Variants in CEP97 observed in about 807,000 individuals in gnomAD.
CEP97 encodes the protein centrosomal protein 97, also known as centrosomal protein of 97 kDa.
A neutral mutation model predicts 73.1 loss-of-function variants in CEP97; 43 were observed. That is an observed-to-expected ratio of 0.59 (90% CI 0.46 to 0.76). The LOEUF (loss-of-function observed/expected upper bound fraction) is 0.76. Among genes scored for constraint, CEP97 ranks in the 30% least tolerant of loss-of-function variants. The pLI is 0.00. For synonymous variants in CEP97, 337 were observed against 370.0 expected, an observed-to-expected ratio of 0.91 and a Z score of 1.02; for missense variants, 939 against 1,014.0, an observed-to-expected ratio of 0.93 and a Z score of 1.00.
chr3:101,762,448 C>G, intron 9 of CEP97, 37 bp from the exon 10 acceptor site: 1 of 1,398,410 alleles, frequency 7.2e-7, no homozygotes, highest in East Asian at 2.3e-5. Context: ...TCAAAGCACC[C>G]TTCCTTATGT....
intron 6 of CEP97, among the ~76,000 whole-genome samples, chr3:101,736,120 C>T (rs986909053): frequency 6.6e-6 from 1 of 152,230 alleles, no homozygotes; most frequent in Non-Finnish European, 1.5e-5. Flanking sequence ...CTCAGCAAAG[C>T]TGCTGTAGCC....
chr3:101,740,778 G>A, intron 6 of CEP97, among the ~76,000 whole-genome samples: 1 of 152,132 alleles, frequency 6.6e-6, no homozygotes, highest in East Asian at 1.9e-4. Flanking sequence ...TAGTAGAGAT[G>A]GGGTTTCTCC....
rs9864426 is a variant in CEP97, at chr3:101,732,008, C to T, written c.561+55C>T. On this transcript the variant is annotated intron_variant, in intron 5 of 10. Transcript: ENST00000341893. ...AGGAAGCTGGAAATCCTAGGAAAGA[C>T]ACAGGAGAGGGTTGTGAGCTTACTT... 239 of 1,003,348 alleles carry T rather than the reference C, an allele frequency of 2.4e-4. 1 individual carries two copies. The African/African-American group carries it at 3.5e-3, about 15-fold the overall frequency. 62.2% of individuals were successfully genotyped at this position (1,003,348 alleles called of 1,614,324 possible).
At position 101,756,645 on chromosome 3, in the gene CEP97, T is replaced by C. The variant is rs187576000; in HGVS notation, c.894-418T>C. Among the ~76,000 whole-genome samples, 571 of 152,334 alleles carry C rather than the reference T, an allele frequency of 3.7e-3. 9 individuals are homozygous for C. Among genetic ancestry groups the C allele is most frequent in the Non-Finnish European group, 5.2e-3 (355 of 68,016 alleles). On this transcript the variant is annotated intron_variant, in intron 7 of 10. Coordinates refer to ENST00000341893, the MANE Select transcript of CEP97 (RefSeq NM_024548.4). ...CACCTGCCTTGGCCTCCCAAAGTGC[T>C]GGGATTACAGGTGCGCGACACCGTG...
chr3:101,750,663 T>G (rs1938779654), intron 6 of CEP97, among the ~76,000 whole-genome samples: 1 of 152,218 alleles, frequency 6.6e-6, no homozygotes, highest in African/African-American at 2.4e-5. Flanking sequence ...GTCGAGGAAT[T>G]TATCCATTTC....
Position 101,769,636 on chromosome 3 carries a change from A to G in CEP97, c.*4085A>G, listed in dbSNP as rs1939410846. On this transcript the variant is annotated 3_prime_UTR_variant, in exon 11 of 11. Transcript: ENST00000341893. The stretch of plus-strand genomic sequence containing the variant: ...CAGCCGAGACTTCATTGTTTAATGT[A>G]TATTTTTATTTTTTCCAAACACCAG... The G allele has an allele frequency of 6.6e-6, 1 of 152,066 alleles. No homozygotes were observed. The highest frequency in any genetic ancestry group is 6.6e-5 in the Admixed American group (1 of 15,258). The allele number at this position is 152,066 out of a possible 1,614,324, so 9.4% of individuals were successfully genotyped here. A position where few individuals can be genotyped will look rare whatever the true frequency, so the allele number is the denominator to read the frequency against.
chr3:101,765,365 T>C lies in CEP97; in HGVS notation c.2412T>C (p.Cys804=), dbSNP rs1939288556. The C allele has an allele frequency of 1.2e-6, 2 of 1,614,204 alleles. No homozygotes were observed. The highest frequency in any genetic ancestry group is 2.7e-5 in the African/African-American group (2 of 75,056). The change falls in exon 11 of 11, where the codon TGT becomes TGC. Residue 804 remains cysteine (C), a synonymous_variant. Transcript: ENST00000341893. ...GAGATAGCAAACTTCACATTGCTTGTTTCCCAGTACAGTTAGATACATTGT... is the reference window on the plus strand; with the variant it reads ...GAGATAGCAAACTTCACATTGCTTGCTTCCCAGTACAGTTAGATACATTGT... The part of the protein sequence containing the change: ...ETRDSKLHIA[C]FPVQLDTLSD...
At chr3:101,762,973 A>G (rs1939211357) in intron 10 of CEP97, 2 of 779,088 alleles carry the variant, frequency 2.6e-6, no homozygotes, top group Admixed American at 4.3e-5. Flanking sequence ...ATAGGAGAGT[A>G]TTTGAATCCT....
chr3:101,762,535 A>C lies in CEP97; in HGVS notation c.1868A>C (p.Glu623Ala), dbSNP rs375618960. ...CGTATTAAAAAATTTGTACAAGAAG[A>C]AGCTTTCAGATTCCTTTGGAACCAG... is the stretch of plus-strand genomic sequence containing the variant. ...EERIKKFVQE[E>A]AFRFLWNQVR... Residue 623 changes from glutamate (E) to alanine (A), a missense_variant, in exon 10 of 11, where the codon GAA becomes GCA. Transcript: ENST00000341893. The C allele has an allele frequency of 8.1e-6, 13 of 1,610,908 alleles. No individual in the cohort carries two copies. The highest frequency in any genetic ancestry group is 1.7e-4 in the Middle Eastern group (1 of 6,046).
chr3:101,744,871 C>G (rs1449844071), intron 6 of CEP97, among the ~76,000 whole-genome samples: 1 of 152,186 alleles, frequency 6.6e-6, no homozygotes, highest in Non-Finnish European at 1.5e-5. Flanking sequence ...GTCTGCCCAT[C>G]CTGGTTGTTA....
chr3:101,756,637 C>G (rs901294137), intron 7 of CEP97, among the ~76,000 whole-genome samples: 28 of 152,052 alleles, frequency 1.8e-4, no homozygotes, highest in African/African-American at 6.0e-4. Flanking sequence ...CTTGGCCTCC[C>G]AAAGTGCTGG....
At chr3:101,751,154 C>T (rs1938800729) in intron 6 of CEP97, among the ~76,000 whole-genome samples, 1 of 152,208 alleles carries the variant, frequency 6.6e-6, no homozygotes, top group South Asian at 2.1e-4. Flanking sequence ...TTATTTCTGC[C>T]TTCATTTCGT....
chr3:101,731,375 AT>A (rs1203029081), intron 4 of CEP97, among the ~76,000 whole-genome samples: 1 of 151,198 alleles, frequency 6.6e-6, no homozygotes, highest in Non-Finnish European at 1.5e-5. Context: ...TAATTTTTTG[AT>A]TTTTAGTAGA....
intron 6 of CEP97, among the ~76,000 whole-genome samples, chr3:101,744,060 A>T (rs1361170438): frequency 5.9e-5 from 9 of 151,998 alleles, no homozygotes; most frequent in African/African-American, 2.2e-4. Context: ...TGGAATGCTC[A>T]TAAACCACTC....
At position 101,758,204 on chromosome 3, in the gene CEP97, C is replaced by G; in HGVS notation, c.1598C>G (p.Thr533Ser). Reference protein sequence around the residue: ...PENKETISQATSEKLPMILTQ... With the variant: ...PENKETISQASSEKLPMILTQ... The stretch of plus-strand genomic sequence containing the variant: ...AATAAAGAAACCATATCTCAAGCAA[C>G]TTCAGAGAAACTTCCCATGATTTTA... Residue 533 changes from threonine (T) to serine (S), a missense_variant, in exon 9 of 11, where the codon ACT becomes AGT. Thr to Ser is a moderately conservative substitution (Grantham distance 58). Transcript: ENST00000341893. The G allele has an allele frequency of 6.2e-7, 1 of 1,614,160 alleles. No individual in the cohort carries two copies. The highest frequency in any genetic ancestry group is 2.2e-5 in the East Asian group (1 of 44,888).
rs1939336937 is a variant in CEP97, at chr3:101,767,067, A to G, written c.*1516A>G. 1 of 152,186 alleles carries G rather than the reference A, an allele frequency of 6.6e-6. No homozygotes were observed. Among genetic ancestry groups the G allele is most frequent in the Non-Finnish European group, 1.5e-5 (1 of 68,052 alleles). The allele number at this position is 152,186 out of a possible 1,614,324, so 9.4% of individuals were successfully genotyped here. On this transcript the variant is annotated 3_prime_UTR_variant, in exon 11 of 11. Transcript: ENST00000341893. ...CAGCCTCCCGAGTATCTGGGATTAT[A>G]AGCAAGAGCCACTGCTCCCAGCTCA...
intron 10 of CEP97, 64 bp downstream of exon 10, chr3:101,762,624 T>C: frequency 1.5e-6 from 2 of 1,296,172 alleles, no homozygotes; most frequent in East Asian, 4.8e-5. Flanking sequence ...TTCATTGAGA[T>C]AATCATAGAG....
chr3:101,755,138 A>G (rs1295025300), intron 6 of CEP97, among the ~76,000 whole-genome samples: 2 of 152,136 alleles, frequency 1.3e-5, no homozygotes, highest in Non-Finnish European at 2.9e-5. Context: ...GTGTGACAGA[A>G]TGAATGGGGA....
chr3:101,742,218 A>G (rs1643875124), intron 6 of CEP97, among the ~76,000 whole-genome samples: 1 of 152,166 alleles, frequency 6.6e-6, no homozygotes, highest in South Asian at 2.1e-4. Context: ...CATCTGACTC[A>G]GCAATCCCAT....
Sources: allele counts gnomAD v4.1 joint callset (sites outside exome capture counted in the v4.1 genomes callset), GRCh38; gene constraint gnomAD v4.1.1; transcripts MANE v1.5; gene names NCBI Gene and HGNC (gene_info 2026-07-23, HGNC 2026-07-21).